Variants in CARMIL1 observed in about 807,000 individuals in gnomAD.
CARMIL1 encodes F-actin-uncapping protein LRRC16A.
CARMIL1 carries 90 observed loss-of-function variants against 177.1 expected under a neutral mutation model. That is an observed-to-expected ratio of 0.51 (90% CI 0.43 to 0.61). The LOEUF is 0.61. CARMIL1 is among the 20% of genes least tolerant of loss of function. CARMIL1 has a pLI of 0.00. For synonymous variants in CARMIL1, 577 were observed against 606.2 expected (o/e 0.95, Z 0.71); for missense variants, 1,380 against 1,667.0 (o/e 0.83, Z 3.00).
chr6:25,296,952 TAAC>T (rs1282621259), intron 2 of CARMIL1, among the ~76,000 whole-genome samples: 41 of 150,732 alleles, frequency 2.7e-4, no homozygotes, highest in African/African-American at 1.0e-3. Context: ...ACTAACTAAC[TAAC>T]TAACTAACTA....
intron 4 of CARMIL1, among the ~76,000 whole-genome samples, chr6:25,434,103 T>C (rs974328247): frequency 6.6e-6 from 1 of 152,182 alleles, no homozygotes; most frequent in African/African-American, 2.4e-5. Flanking sequence ...GGTTTTGCTA[T>C]GTTGCCTGGG....
At chr6:25,429,902 G>A (rs2150739629) in intron 4 of CARMIL1, among the ~76,000 whole-genome samples, 1 of 151,884 alleles carries the variant, frequency 6.6e-6, no homozygotes, top group Non-Finnish European at 1.5e-5. Context: ...CTGGAGTGCA[G>A]TGGCACAATC....
At chr6:25,300,028 T>A (rs1292259615) in intron 2 of CARMIL1, among the ~76,000 whole-genome samples, 1 of 151,708 alleles carries the variant, frequency 6.6e-6, no homozygotes, top group Non-Finnish European at 1.5e-5. Flanking sequence ...TCCTTTGGAT[T>A]GTAGAATTGG....
chr6:25,535,067 G>A (rs989135784), intron 24 of CARMIL1, among the ~76,000 whole-genome samples: 7 of 152,204 alleles, frequency 4.6e-5, no homozygotes, highest in African/African-American at 9.6e-5. Context: ...GTGGTGTGAT[G>A]TAGTTGCCAA....
chr6:25,586,560 A>G (rs1178070722), intron 31 of CARMIL1, among the ~76,000 whole-genome samples: 8 of 151,518 alleles, frequency 5.3e-5, no homozygotes, highest in African/African-American at 9.7e-5. Context: ...GGTGGCGGCC[A>G]GGCAGAGGCT....
Position 25,619,579 on chromosome 6 carries a change from T to C in CARMIL1, c.4112T>C (p.Val1371Ala). 1 of 1,613,488 alleles carries C rather than the reference T, an allele frequency of 6.2e-7. No individual in the cohort carries two copies. The highest frequency in any genetic ancestry group is 8.5e-7 in the Non-Finnish European group (1 of 1,179,694). Residue 1371 changes from valine to alanine, a missense_variant, in exon 37 of 37, where the codon GTG (valine) becomes GCG (alanine). Val to Ala is a moderately conservative substitution (Grantham distance 64). Transcript: ENST00000329474. ...GEEAEKEFIF[V>A] ...GAAGCAGAAAAAGAGTTTATTTTTG[T>C]GTAAAGGTCACCCACGCAGAAGTCT...
In CARMIL1 at chr6:25,379,215, G is replaced by A. The variant is rs1238602610; in HGVS notation, c.139-40899G>A. 1.3e-5 allele frequency among the ~76,000 whole-genome samples: 2 copies of A among 152,130 alleles called. 1 individual carries two copies. Among genetic ancestry groups the A allele is most frequent in the Admixed American group, 1.3e-4 (2 of 15,276 alleles). On this transcript the variant is annotated intron_variant, in intron 2 of 36. Transcript: ENST00000329474. ...GCTTTGTATTAAAGAGGTATATATT[G>A]TCCTATCTTCTAGGAGCTTACAGTC...
intron 2 of CARMIL1, among the ~76,000 whole-genome samples, chr6:25,378,692 C>T (rs1581734829): frequency 6.6e-6 from 1 of 152,122 alleles, no homozygotes; most frequent in East Asian, 1.9e-4. Flanking sequence ...CCAGGTTCCC[C>T]AGTAGGAGTG....
chr6:25,330,173 A>G (rs1040820480), intron 2 of CARMIL1, among the ~76,000 whole-genome samples: 24 of 152,244 alleles, frequency 1.6e-4, no homozygotes, highest in African/African-American at 5.8e-4. Flanking sequence ...AGACTTGAAC[A>G]GTACGGTGTG....
chr6:25,535,100 G>A (rs1439833635), intron 24 of CARMIL1, among the ~76,000 whole-genome samples: 3 of 152,160 alleles, frequency 2.0e-5, no homozygotes, highest in Non-Finnish European at 2.9e-5. Flanking sequence ...GACTTGTACC[G>A]TATTAATGAA....
intron 2 of CARMIL1, among the ~76,000 whole-genome samples, chr6:25,401,909 C>T (rs1342889416): frequency 1.3e-5 from 2 of 152,028 alleles, no homozygotes; most frequent in Admixed American, 1.3e-4. Context: ...ACAGACAATG[C>T]CACCAACTCT....
chr6:25,429,678 A>C lies in CARMIL1; in HGVS notation c.249+3118A>C, dbSNP rs180889815. Among the ~76,000 whole-genome samples the C allele has an allele frequency of 2.3e-3, 353 of 152,092 alleles. 1 individual carries two copies. The highest frequency in any genetic ancestry group is 6.8e-3 in the Middle Eastern group (2 of 292). On this transcript the variant is annotated intron_variant, in intron 4 of 36. Transcript: ENST00000329474. ...TAGTTTGTTCAGAGTTTTAATCAGGAATTAGTGTTGGATTTTGGCAAATGT... is the reference window on the plus strand; with the variant it reads ...TAGTTTGTTCAGAGTTTTAATCAGGCATTAGTGTTGGATTTTGGCAAATGT...
intron 23 of CARMIL1, among the ~76,000 whole-genome samples, chr6:25,526,327 C>T (rs1160924407): frequency 6.6e-6 from 1 of 150,454 alleles, no homozygotes; most frequent in Admixed American, 6.6e-5. Context: ...TGGGCGACAG[C>T]ACAAGACTCC....
At chr6:25,441,353 G>GTGTGTGTGTGTA (rs1410728306) in intron 5 of CARMIL1, among the ~76,000 whole-genome samples, 10 of 139,894 alleles carry the variant, frequency 7.1e-5, no homozygotes, top group African/African-American at 2.8e-4. Context: ...GTGTGTGTGT[G>GTGTGTGTGTGTA]TGTGTGTGTG....
chr6:25,332,777 A>ACACACACACG (rs1554165982), intron 2 of CARMIL1, among the ~76,000 whole-genome samples: 4 of 132,210 alleles, frequency 3.0e-5, no homozygotes, highest in East Asian at 2.2e-4. Flanking sequence ...ACACACGCGC[A>ACACACACACG]CACACACACA....
intron 26 of CARMIL1, among the ~76,000 whole-genome samples, chr6:25,540,608 A>C (rs1808805999): frequency 6.6e-6 from 1 of 152,206 alleles, no homozygotes; most frequent in Non-Finnish European, 1.5e-5. Context: ...ACAAAAAGTT[A>C]TTGAAACTTT....
intron 2 of CARMIL1, among the ~76,000 whole-genome samples, chr6:25,356,645 G>A (rs1264278432): frequency 2.6e-5 from 4 of 152,226 alleles, no homozygotes; most frequent in Non-Finnish European, 5.9e-5. Context: ...TAGCCCATAT[G>A]TTAGTGCCCT....
chr6:25,357,531 C>T (rs1788755180), intron 2 of CARMIL1, among the ~76,000 whole-genome samples: 1 of 152,110 alleles, frequency 6.6e-6, no homozygotes, highest in Admixed American at 6.5e-5. Flanking sequence ...TTGCAGTGAA[C>T]CAAGATTGTG....
At chr6:25,307,702 A>G (rs1356437199) in intron 2 of CARMIL1, among the ~76,000 whole-genome samples, 1 of 152,230 alleles carries the variant, frequency 6.6e-6, no homozygotes. Context: ...TTCCACTGGG[A>G]TCTGAAATAT....
Sources: allele counts gnomAD v4.1 joint callset (sites outside exome capture counted in the v4.1 genomes callset), GRCh38; gene constraint gnomAD v4.1.1; transcripts MANE v1.5; gene names NCBI Gene and HGNC (gene_info 2026-07-23, HGNC 2026-07-21).